Variants in PLXDC2 observed in about 807,000 individuals in gnomAD.
PLXDC2 encodes the protein plexin domain containing 2.
PLXDC2 carries 40 observed loss-of-function variants against 68.9 expected under a neutral mutation model. The observed-to-expected ratio is 0.58, with a 90% CI of 0.45 to 0.76. The LOEUF is 0.76. Ranked by LOEUF, PLXDC2 falls within the 30% of genes least tolerant of loss-of-function variation. The pLI is 0.00. For synonymous variants in PLXDC2, 243 were observed against 234.2 expected, an observed-to-expected ratio of 1.04 and a Z score of -0.34; for missense variants, 644 against 661.9, an observed-to-expected ratio of 0.97 and a Z score of 0.30.
intron 1 of PLXDC2, among the ~76,000 whole-genome samples, chr10:19,964,775 A>T (rs530086642): frequency 6.6e-6 from 1 of 152,060 alleles, no homozygotes; most frequent in Non-Finnish European, 1.5e-5. Context: ...TAACCTTAGC[A>T]GAGTGCCTGG....
chr10:20,172,236 A>G (rs1284730156), intron 7 of PLXDC2, among the ~76,000 whole-genome samples: 1 of 150,366 alleles, frequency 6.7e-6, no homozygotes, highest in Non-Finnish European at 1.5e-5. Flanking sequence ...AAAGGAAAAA[A>G]AAAAAAAAAA....
intron 1 of PLXDC2, among the ~76,000 whole-genome samples, chr10:19,930,335 C>T (rs900342228): frequency 1.3e-5 from 2 of 152,038 alleles, no homozygotes; most frequent in Non-Finnish European, 2.9e-5. Context: ...CAGAAACAGC[C>T]GGGTTGGTTT....
Position 20,286,397 on chromosome 10 carries a change from G to T in PLXDC2, c.*6578G>T, listed in dbSNP as rs1449053476. On this transcript the variant is annotated 3_prime_UTR_variant, in exon 14 of 14. Coordinates refer to ENST00000377252, the MANE Select transcript of PLXDC2 (RefSeq NM_032812.9). ...AAAAGCTTTTGATTTGGCAGATAGT[G>T]ATATTTTATTTATTTTCATTCTGGT... is the stretch of plus-strand genomic sequence containing the variant. 6.6e-6 allele frequency: 1 copy of T among 152,060 alleles called. No homozygotes were observed. Among genetic ancestry groups the T allele is most frequent in the Non-Finnish European group, 1.5e-5 (1 of 67,998 alleles). The allele number at this position is 152,060 out of a possible 1,614,324, so 9.4% of individuals were successfully genotyped here. A position where few individuals can be genotyped will look rare whatever the true frequency, so the allele number is the denominator to read the frequency against.
At chr10:20,222,182 A>G (rs1046795726) in intron 12 of PLXDC2, among the ~76,000 whole-genome samples, 2 of 152,138 alleles carry the variant, frequency 1.3e-5, no homozygotes, top group African/African-American at 4.8e-5. Context: ...GCCTTTCCCT[A>G]CATTGTCTTT....
chr10:20,172,230 GAAA>G (rs571463676), intron 7 of PLXDC2, among the ~76,000 whole-genome samples: 15 of 110,610 alleles, frequency 1.4e-4, no homozygotes, highest in East Asian at 1.3e-3. Context: ...TTGTGAAAAG[GAAA>G]AAAAAAAAAA....
At chr10:20,023,743 T>C (rs746870845) in intron 2 of PLXDC2, among the ~76,000 whole-genome samples, 2 of 148,562 alleles carry the variant, frequency 1.3e-5, no homozygotes, top group Non-Finnish European at 3.0e-5. Flanking sequence ...ACAAAAGTTA[T>C]TTATAGGCAG....
At chr10:19,864,806 A>C (rs1194797043) in intron 1 of PLXDC2, among the ~76,000 whole-genome samples, 1 of 152,160 alleles carries the variant, frequency 6.6e-6, no homozygotes, top group Non-Finnish European at 1.5e-5. Context: ...GTAGGAAAAC[A>C]ACTCAGGAAG....
At chr10:19,960,507 G>A (rs1834139383) in intron 1 of PLXDC2, among the ~76,000 whole-genome samples, 1 of 152,156 alleles carries the variant, frequency 6.6e-6, no homozygotes. Context: ...GGGGCCTCTT[G>A]ATTTTGCTAG....
chr10:20,045,222 A>G (rs1835775566), intron 2 of PLXDC2, among the ~76,000 whole-genome samples: 1 of 152,078 alleles, frequency 6.6e-6, no homozygotes, highest in Non-Finnish European at 1.5e-5. Context: ...CCCAGGCTGG[A>G]GTGCAGTGGT....
At chr10:20,184,573 G>A (rs1011899735) in intron 9 of PLXDC2, among the ~76,000 whole-genome samples, 16 of 151,842 alleles carry the variant, frequency 1.1e-4, no homozygotes, top group Non-Finnish European at 2.2e-4. Flanking sequence ...CATAGGGGCA[G>A]CTAATTTTTG....
chr10:20,199,379 T>C (rs913464560), intron 9 of PLXDC2, among the ~76,000 whole-genome samples: 1 of 152,010 alleles, frequency 6.6e-6, no homozygotes, highest in Non-Finnish European at 1.5e-5. Flanking sequence ...ACCATTTTTA[T>C]GTAGCATAAT....
chr10:19,956,703 A>G (rs1180265871), intron 1 of PLXDC2, among the ~76,000 whole-genome samples: 8 of 152,366 alleles, frequency 5.3e-5, no homozygotes, highest in African/African-American at 1.7e-4. Flanking sequence ...TCTGTCTCAC[A>G]TATTTATGTG....
chr10:20,119,025 G>A (rs1564321610), intron 4 of PLXDC2, among the ~76,000 whole-genome samples: 1 of 151,516 alleles, frequency 6.6e-6, no homozygotes, highest in Non-Finnish European at 1.5e-5. Flanking sequence ...TTAATCTGCT[G>A]GGAGAGGTGA....
chr10:20,077,938 C>G (rs1836479996), intron 4 of PLXDC2, among the ~76,000 whole-genome samples: 2 of 151,952 alleles, frequency 1.3e-5, no homozygotes, highest in Admixed American at 6.6e-5. Flanking sequence ...CCTCCTTCTC[C>G]CCTTCTTTTT....
chr10:20,048,018 T>C (rs78515130), intron 3 of PLXDC2, among the ~76,000 whole-genome samples: 2,702 of 152,212 alleles, frequency 0.018, 77 homozygotes, highest in African/African-American at 0.061. Flanking sequence ...ATAGTGTCAT[T>C]GATGAAGCCA....
intron 4 of PLXDC2, among the ~76,000 whole-genome samples, chr10:20,137,271 G>A (rs2461923): frequency 0.92 from 140,050 of 152,240 alleles, 64,537 homozygotes; most frequent in Non-Finnish European, 0.94. Flanking sequence ...CATTCGTCTT[G>A]TAGTACTGAC....
At chr10:20,252,287 C>A (rs1372695691) in intron 13 of PLXDC2, among the ~76,000 whole-genome samples, 1 of 152,162 alleles carries the variant, frequency 6.6e-6, no homozygotes, top group Non-Finnish European at 1.5e-5. Context: ...AAAACATACA[C>A]TGGATTTTGA....
intron 13 of PLXDC2, among the ~76,000 whole-genome samples, chr10:20,249,571 C>G (rs545609914): frequency 2.0e-5 from 3 of 152,284 alleles, no homozygotes; most frequent in African/African-American, 4.8e-5. Flanking sequence ...CTACCACTAA[C>G]GTTGACCCTC....
At chr10:19,978,071 C>T (rs1043908681) in intron 1 of PLXDC2, among the ~76,000 whole-genome samples, 4 of 152,126 alleles carry the variant, frequency 2.6e-5, no homozygotes, top group Non-Finnish European at 4.4e-5. Flanking sequence ...CTGGTATATC[C>T]AACCTGTGAG....
Sources: gnomAD v4.1 joint callset for allele counts (sites outside exome capture counted in the v4.1 genomes callset) on GRCh38, gnomAD v4.1.1 for gene constraint, MANE v1.5 for transcripts, NCBI Gene and HGNC (gene_info 2026-07-23, HGNC 2026-07-21) for gene names.